SPEN: variants seen among roughly 807,000 people sequenced by gnomAD.
SPEN encodes the protein spen family transcriptional repressor.
In SPEN, 18 loss-of-function variants were observed where a neutral mutation model predicts 269.9. The ratio of observed to expected loss-of-function variants is 0.07; its 90% CI spans 0.05 to 0.10. The LOEUF (loss-of-function observed/expected upper bound fraction) is 0.10, where lower values mean the gene tolerates loss of function less well. Among genes scored for constraint, SPEN ranks in the 10% least tolerant of loss-of-function variants. SPEN has a pLI of 1.00. For missense variants in SPEN, 3,822 were observed against 4,631.2 expected (o/e 0.83, Z 5.07); for synonymous variants, 1,726 against 1,765.7 (o/e 0.98, Z 0.56).
At chr1:15,856,394 A>T (rs1036091649) in intron 1 of SPEN, among the ~76,000 whole-genome samples, 1 of 151,976 alleles carries the variant, frequency 6.6e-6, no homozygotes, top group Non-Finnish European at 1.5e-5. Flanking sequence ...TCTTACTGGG[A>T]TCTAATATTT....
chr1:15,850,287 G>A (rs2070322005), intron 1 of SPEN, among the ~76,000 whole-genome samples: 1 of 152,120 alleles, frequency 6.6e-6, no homozygotes, highest in African/African-American at 2.4e-5. Flanking sequence ...GCTCACGACT[G>A]CATTCAAAGG....
At position 15,909,471 on chromosome 1, in the gene SPEN, A is replaced by G. The variant is rs748230502; in HGVS notation, c.1032A>G (p.Val344=). 6.2e-7 allele frequency: 1 copy of G among 1,614,058 alleles called. No homozygotes were observed. ...SFGIKVQNLP[V]RSTDTSLKDG... is the part of the protein sequence containing the mutation. The stretch of plus-strand genomic sequence containing the variant: ...GCATCAAGGTCCAGAATCTTCCAGT[A>G]CGCTCTACAGGTAAAATTTTGTGTG... The change falls in exon 4 of 15, where the codon GTA becomes GTG. Residue 344 remains valine (V), a synonymous_variant. Transcript: ENST00000375759.
Position 15,930,521 on chromosome 1 carries a change from A to G in SPEN, c.4281A>G (p.Glu1427=). ...ATGAAAGACTCTCTAGTTCTTTAGA[A>G]AGGAACAAATTTTACTCTTTTGCAT... ...ERDERLSSSL[E]RNKFYSFALD... is the part of the protein sequence containing the mutation. Residue 1427 remains glutamate, a synonymous_variant, in exon 11 of 15, where the codon GAA becomes GAG. Coordinates refer to ENST00000375759, the MANE Select transcript of SPEN (RefSeq NM_015001.3). This position sits in a 1 kb window ranked among gnomAD's most constrained non-coding sequence, Gnocchi z 5.3. 6.2e-7 allele frequency: 1 copy of G among 1,614,174 alleles called. No individual in the cohort carries two copies.
intron 1 of SPEN, among the ~76,000 whole-genome samples, chr1:15,852,269 C>A (rs1016689526): frequency 6.6e-6 from 1 of 152,136 alleles, no homozygotes; most frequent in African/African-American, 2.4e-5. Flanking sequence ...CACTTCTTGT[C>A]TATGGCCATA....
chr1:15,883,383 C>G (rs1168557862), intron 3 of SPEN, among the ~76,000 whole-genome samples: 3 of 152,174 alleles, frequency 2.0e-5, no homozygotes, highest in Admixed American at 2.0e-4. Context: ...TTATGTCTCT[C>G]TCTTCTCCAG....
intron 10 of SPEN, among the ~76,000 whole-genome samples, chr1:15,927,098 A>G (rs917918353): frequency 6.6e-6 from 1 of 152,248 alleles, no homozygotes; most frequent in African/African-American, 2.4e-5. Context: ...TGAGTGAAGG[A>G]AGTAATTGGT....
chr1:15,898,794 CT>C (rs1229585061), intron 3 of SPEN, among the ~76,000 whole-genome samples: 10 of 152,098 alleles, frequency 6.6e-5, no homozygotes, highest in African/African-American at 2.4e-4. Flanking sequence ...AATTCCTGAT[CT>C]CAGGTGATCC....
chr1:15,865,546 C>T (rs966017942), intron 1 of SPEN, among the ~76,000 whole-genome samples: 1 of 150,006 alleles, frequency 6.7e-6, no homozygotes, highest in African/African-American at 2.5e-5. Context: ...CCTCAACCTC[C>T]TGAGTAGCTG....
At chr1:15,911,037 G>A (rs1232050777) in intron 4 of SPEN, 64 bp from the exon 5 acceptor site, 47 of 1,328,822 alleles carry the variant, frequency 3.5e-5, no homozygotes, top group Non-Finnish European at 4.2e-5. Context: ...AGATTTAGTA[G>A]GTTGCTTATT....
rs192942621 is a variant in SPEN at position 15,886,415 on chromosome 1, C to A, written c.881+9737C>A. 6.4e-3 allele frequency among the ~76,000 whole-genome samples: 978 copies of A among 152,290 alleles called. 7 individuals carry two copies. Among genetic ancestry groups the A allele is most frequent in the Middle Eastern group, 0.02 (6 of 294 alleles). The stretch of plus-strand genomic sequence containing the variant: ...GGAACCATCCAGTTTGAGTTGGCTG[C>A]TTGCCACCTCCCGGAGGCTTCCTTG... On this transcript the variant is annotated intron_variant, in intron 3 of 14. Coordinates refer to ENST00000375759, the MANE Select transcript of SPEN (RefSeq NM_015001.3).
chr1:15,901,028 T>C (rs576817957), intron 3 of SPEN, among the ~76,000 whole-genome samples: 22 of 152,134 alleles, frequency 1.4e-4, no homozygotes, highest in African/African-American at 5.1e-4. Flanking sequence ...AGTTGATTAT[T>C]TCCTTGTTAT....
chr1:15,938,113 ATTC>A (rs2071296153), intron 13 of SPEN, 107 bp downstream of exon 13: 4 of 1,031,624 alleles, frequency 3.9e-6, no homozygotes, highest in Non-Finnish European at 2.8e-6. Flanking sequence ...CATTAACTGT[ATTC>A]TTGTTGTTGT....
chr1:15,916,510 C>CTTTT (rs34713584), intron 6 of SPEN, among the ~76,000 whole-genome samples: 1 of 113,544 alleles, frequency 8.8e-6, no homozygotes, highest in African/African-American at 3.4e-5. Flanking sequence ...TTTCTTACCT[C>CTTTT]TTTTTTTTTT....
chr1:15,899,082 G>C (rs748623080), intron 3 of SPEN, among the ~76,000 whole-genome samples: 1 of 152,080 alleles, frequency 6.6e-6, no homozygotes, highest in Non-Finnish European at 1.5e-5. Flanking sequence ...GTAAGTTAGC[G>C]TTTGGGGAAC....
rs1394731323 is a variant in SPEN at position 15,919,066 on chromosome 1, A to G, written c.1521+15A>G. On this transcript the variant is annotated intron_variant, in intron 7 of 14. Transcript: ENST00000375759. Reference sequence around the variant, plus strand: ...ATCGCCTCAAGGTAAATGAATTTGCATAAATTATTGTGCTGTTATGATTTG... The same window carrying G: ...ATCGCCTCAAGGTAAATGAATTTGCGTAAATTATTGTGCTGTTATGATTTG... The G allele has an allele frequency of 1.2e-6, 2 of 1,603,878 alleles. No homozygotes were observed. The highest frequency in any genetic ancestry group is 1.1e-5 in the South Asian group (1 of 88,262).
intron 1 of SPEN, among the ~76,000 whole-genome samples, chr1:15,866,050 C>T (rs2070505713): frequency 1.3e-5 from 2 of 151,918 alleles, no homozygotes; most frequent in Non-Finnish European, 2.9e-5. Context: ...TTATATCATG[C>T]CAGTTCCAAA....
At chr1:15,849,078 T>G (rs2070306828) in intron 1 of SPEN, among the ~76,000 whole-genome samples, 1 of 152,248 alleles carries the variant, frequency 6.6e-6, no homozygotes, top group Admixed American at 6.5e-5. Context: ...TAGTGCGTTT[T>G]CTTTGTGAAA....
chr1:15,935,976 ACCCCTG>A lies in SPEN; in HGVS notation c.9741_9746del (p.Ala3248_Pro3249del). 1.6e-6 allele frequency: 1 copy of A among 634,344 alleles called. No homozygotes were observed. Among genetic ancestry groups the A allele is most frequent in the Non-Finnish European group, 2.2e-6 (1 of 459,764 alleles). The allele number at this position is 634,344 out of a possible 1,614,324, so 39.3% of individuals were successfully genotyped here. ...AGATGCCAAAGCTGCCCCCACCCCC[ACCCCTG>A]CCCCCGTCCCTGTCCCTGTCCCCCT... is the stretch of plus-strand genomic sequence containing the variant. On this transcript the variant is annotated inframe_deletion, in exon 11 of 15. Transcript: ENST00000375759. The surrounding 1 kb of genome is among the most constrained non-coding windows in gnomAD (Gnocchi z 7.7).
intron 3 of SPEN, among the ~76,000 whole-genome samples, chr1:15,908,147 A>T (rs2070977773): frequency 2.0e-5 from 3 of 151,978 alleles, no homozygotes; most frequent in African/African-American, 7.3e-5. Context: ...TGTTTTCCTA[A>T]AAATTACCCA....
Sources: gnomAD v4.1 joint callset for allele counts (sites outside exome capture counted in the v4.1 genomes callset) on GRCh38, gnomAD v4.1.1 for gene constraint, Gnocchi (gnomAD v3.1) non-coding constraint, MANE v1.5 for transcripts, NCBI Gene and HGNC (gene_info 2026-07-23, HGNC 2026-07-21) for gene names.